Variants in MICAL3 observed in about 807,000 individuals in gnomAD.
The protein encoded by MICAL3 is microtubule associated monooxygenase, calponin and LIM domain containing 3.
MICAL3 carries 62 observed loss-of-function variants against 207.4 expected under a neutral mutation model. That is an observed-to-expected ratio of 0.30 (90% CI 0.24 to 0.37). The LOEUF (loss-of-function observed/expected upper bound fraction) is 0.37, where lower values mean the gene tolerates loss of function less well. Ranked by LOEUF, MICAL3 falls within the 10% of genes least tolerant of loss-of-function variation. The pLI is 1.00. For synonymous variants in MICAL3, 1,077 were observed against 1,069.3 expected (o/e 1.01, Z -0.14); for missense variants, 2,368 against 2,635.6 (o/e 0.90, Z 2.22).
chr22:17,994,309 C>G (rs1243789662), intron 1 of MICAL3, among the ~76,000 whole-genome samples: 34 of 152,192 alleles, frequency 2.2e-4, no homozygotes, highest in Admixed American at 2.2e-3. Flanking sequence ...CCTGGGGGCT[C>G]CAGGTGCCAG....
At chr22:17,797,215 A>G (rs2061885772) in intron 29 of MICAL3, among the ~76,000 whole-genome samples, 1 of 152,152 alleles carries the variant, frequency 6.6e-6, no homozygotes, top group Non-Finnish European at 1.5e-5. Context: ...ATGCGGTCAG[A>G]AAGCTCGGAG....
At chr22:17,938,594 A>G (rs1200942602) in intron 1 of MICAL3, among the ~76,000 whole-genome samples, 1 of 152,184 alleles carries the variant, frequency 6.6e-6, no homozygotes, top group Non-Finnish European at 1.5e-5. Flanking sequence ...GATACCAAGC[A>G]CAATTCTGGA....
chr22:17,955,149 A>G (rs1293313644), intron 1 of MICAL3, among the ~76,000 whole-genome samples: 1 of 152,214 alleles, frequency 6.6e-6, no homozygotes, highest in Non-Finnish European at 1.5e-5. Context: ...TTAGCCACTG[A>G]GAATGTCCAG....
At chr22:17,982,104 C>CAA (rs1935935830) in intron 1 of MICAL3, among the ~76,000 whole-genome samples, 1 of 137,014 alleles carries the variant, frequency 7.3e-6, no homozygotes, top group Non-Finnish European at 1.6e-5. Flanking sequence ...GACCTTGTCT[C>CAA]AAAAAATAAA....
intron 10 of MICAL3, among the ~76,000 whole-genome samples, chr22:17,894,616 G>C (rs1301261788): frequency 6.6e-6 from 1 of 151,668 alleles, no homozygotes; most frequent in Non-Finnish European, 1.5e-5. Flanking sequence ...GACCAACACA[G>C]TGAAACCCCA....
At chr22:17,905,725 A>G (rs148576450) in intron 2 of MICAL3, among the ~76,000 whole-genome samples, 1 of 152,228 alleles carries the variant, frequency 6.6e-6, no homozygotes, top group Non-Finnish European at 1.5e-5. Flanking sequence ...AACTTCTCAC[A>G]CTAGGTGTTC....
At chr22:17,916,055 C>CAAAAAAA (rs755146574) in intron 1 of MICAL3, among the ~76,000 whole-genome samples, 2 of 57,804 alleles carry the variant, frequency 3.5e-5, no homozygotes, top group Non-Finnish European at 3.6e-5. Flanking sequence ...GATCCAGTCT[C>CAAAAAAA]AAAAAAAAAA....
intron 19 of MICAL3, chr22:17,858,381 G>T: frequency 4.0e-6 from 3 of 743,556 alleles, no homozygotes; most frequent in Non-Finnish European, 3.3e-6. Context: ...TGAGGCGCTT[G>T]GCTGGGTGAG....
rs989470211 is a variant in MICAL3 at position 17,788,767 on chromosome 22, G to A, written c.*1965C>T. 1 of 152,410 alleles carries A rather than the reference G, an allele frequency of 6.6e-6. No homozygotes were observed. Among genetic ancestry groups the A allele is most frequent in the African/African-American group, 2.4e-5 (1 of 41,478 alleles). 9.4% of individuals were successfully genotyped at this position (152,410 alleles called of 1,614,324 possible). On this transcript the variant is annotated 3_prime_UTR_variant, in exon 32 of 32. Transcript: ENST00000441493. ...GAGATGGCAGCTTCTGGACAGACAA[G>A]GATGACACAGGTTCTTTGCTCCTTT...
chr22:17,954,718 G>GT (rs1934527293), intron 1 of MICAL3, among the ~76,000 whole-genome samples: 1 of 151,850 alleles, frequency 6.6e-6, no homozygotes, highest in Admixed American at 6.6e-5. Context: ...GCAGAGGCAA[G>GT]TGAGTCAAAC....
chr22:17,903,112 G>A (rs1408343835), intron 3 of MICAL3, among the ~76,000 whole-genome samples: 2 of 152,242 alleles, frequency 1.3e-5, no homozygotes, highest in African/African-American at 4.8e-5. Flanking sequence ...GGAGGCAGAT[G>A]TGCACCCACA....
intron 1 of MICAL3, among the ~76,000 whole-genome samples, chr22:17,949,982 T>C (rs1934252925): frequency 1.3e-5 from 2 of 152,072 alleles, no homozygotes; most frequent in Admixed American, 1.3e-4. Context: ...TTCCAGAGAC[T>C]CCCTGGGGTG....
At chr22:17,894,843 A>AACAATCTCTTTTGTCCTC (rs1472964612) in intron 10 of MICAL3, among the ~76,000 whole-genome samples, 2 of 152,054 alleles carry the variant, frequency 1.3e-5, no homozygotes, top group African/African-American at 4.8e-5. Flanking sequence ...CTTTCAAGTG[A>AACAATCTCTTTTGTCCTC]ACAATCTCTT....
At chr22:18,004,357 G>GAGT (rs1923240892) in intron 1 of MICAL3, 1 of 151,870 alleles carries the variant, frequency 6.6e-6, no homozygotes, top group Non-Finnish European at 1.5e-5. Flanking sequence ...CGCCTCCTGG[G>GAGT]TTCAAGCGAT....
In MICAL3 at chr22:17,864,972, G is replaced by T; in HGVS notation, c.2532C>A (p.Pro844=). The T allele has an allele frequency of 6.2e-7, 1 of 1,606,438 alleles. No individual in the cohort carries two copies. The change falls in exon 19 of 32, where the codon CCC becomes CCA. Residue 844 remains proline, a synonymous_variant. Coordinates refer to ENST00000441493, the MANE Select transcript of MICAL3 (RefSeq NM_015241.3). ...CATCTGTGGTGGCGCCATCCTGCAGGGGTCCTTTGGCCTCCTAGGAAAGTT... is the reference window on the plus strand; with the variant it reads ...CATCTGTGGTGGCGCCATCCTGCAGTGGTCCTTTGGCCTCCTAGGAAAGTT... ...APLSGKEAKG[P]LQDGATTDAN... is the part of the protein sequence containing the mutation.
At chr22:17,977,927 CAGG>C (rs1375759702) in intron 1 of MICAL3, among the ~76,000 whole-genome samples, 5 of 152,066 alleles carry the variant, frequency 3.3e-5, no homozygotes, top group Non-Finnish European at 7.4e-5. Flanking sequence ...GAGGCTGAGG[CAGG>C]AGAATCACTT....
intron 19 of MICAL3, among the ~76,000 whole-genome samples, chr22:17,857,239 G>C (rs1926025730): frequency 6.6e-6 from 1 of 152,220 alleles, no homozygotes; most frequent in African/African-American, 2.4e-5. Context: ...GCTGGCTAGT[G>C]AGTGTCACAG....
chr22:18,016,808 T>C (rs56039231), intron 1 of MICAL3, among the ~76,000 whole-genome samples: 1,706 of 151,690 alleles, frequency 0.011, 10 homozygotes, highest in Middle Eastern at 0.02. Context: ...GGGGTGGTGG[T>C]GGGCGCCTGT....
At chr22:17,917,148 T>A (rs1338374501) in intron 1 of MICAL3, among the ~76,000 whole-genome samples, 2 of 151,854 alleles carry the variant, frequency 1.3e-5, no homozygotes, top group Non-Finnish European at 2.9e-5. Context: ...CCCGTAGATT[T>A]ATCTACACAG....
Sources: gnomAD v4.1 joint callset for allele counts (sites outside exome capture counted in the v4.1 genomes callset) on GRCh38, gnomAD v4.1.1 for gene constraint, MANE v1.5 for transcripts, NCBI Gene and HGNC (gene_info 2026-07-23, HGNC 2026-07-21) for gene names.